RGPD2: variants seen among roughly 807,000 people sequenced by gnomAD.
RGPD2 encodes RANBP2-like and GRIP domain-containing protein 2.
A neutral mutation model predicts 36.0 loss-of-function variants in RGPD2; 2 were observed. The ratio of observed to expected loss-of-function variants is 0.06; its 90% CI spans 0.02 to 0.17. RGPD2 has a LOEUF of 0.17. Ranked by LOEUF, RGPD2 falls within the 10% of genes least tolerant of loss-of-function variation. The probability of loss-of-function intolerance (pLI) is 1.00; values close to 1 mark genes in which losing one functional copy is unlikely to be tolerated. For missense variants in RGPD2, 40 were observed against 464.3 expected, an observed-to-expected ratio of 0.09 and a Z score of 8.40; for synonymous variants, 19 against 163.8, an observed-to-expected ratio of 0.12 and a Z score of 6.75.
upstream of RGPD2, among the ~76,000 whole-genome samples, chr2:87,827,868 ATACT>A (rs1686871011): frequency 1.4e-5 from 1 of 72,032 alleles, no homozygotes; most frequent in Non-Finnish European, 2.6e-5. Context: ...TGCTTGTAAA[ATACT>A]TAGTTATAAT....
At chr2:87,887,027 T>C in the RGPD2 span, among the ~76,000 whole-genome samples, 1 of 151,446 alleles carries the variant, frequency 6.6e-6, no homozygotes, top group African/African-American at 2.4e-5. Context: ...TAAATAAAAT[T>C]CAGGTTTTAA....
the RGPD2 span, among the ~76,000 whole-genome samples, chr2:87,940,857 G>A: frequency 3.3e-5 from 5 of 151,310 alleles, no homozygotes; most frequent in Non-Finnish European, 7.4e-5. Flanking sequence ...AAACTGATAC[G>A]TTTAAACAAA....
At chr2:87,824,601 T>C (rs1404447910) in intron 1 of RGPD2, among the ~76,000 whole-genome samples, 3 of 151,784 alleles carry the variant, frequency 2.0e-5, no homozygotes, top group Non-Finnish European at 4.4e-5. Flanking sequence ...GTTCCAAAGT[T>C]ACTCACTAGT....
chr2:87,883,214 C>T, the RGPD2 span, among the ~76,000 whole-genome samples: 1 of 151,556 alleles, frequency 6.6e-6, no homozygotes, highest in Non-Finnish European at 1.5e-5. Context: ...TTTTTCTCTG[C>T]AATCAAAATT....
the RGPD2 span, among the ~76,000 whole-genome samples, chr2:87,977,594 G>T: frequency 1.3e-5 from 2 of 149,388 alleles, no homozygotes; most frequent in South Asian, 4.2e-4. Context: ...TGGGAGGATG[G>T]CTGGAGCCCA....
At chr2:87,915,274 GTATATATATATATA>G in the RGPD2 span, among the ~76,000 whole-genome samples, 2 of 84,996 alleles carry the variant, frequency 2.4e-5, no homozygotes, top group Admixed American at 2.7e-4. Flanking sequence ...GTGTGTGTGT[GTATATATATATATA>G]TGTATATTAT....
the RGPD2 span, among the ~76,000 whole-genome samples, chr2:87,964,826 TGAGATGGAGTCTTGC>T: frequency 5.2e-3 from 428 of 81,904 alleles, no homozygotes; most frequent in East Asian, 0.017. Context: ...TTTTTCTTTT[TGAGATGGAGTCTTGC>T]TTTGTCTGAA....
the RGPD2 span, among the ~76,000 whole-genome samples, chr2:87,869,779 C>CT: frequency 2.6e-5 from 4 of 152,238 alleles, no homozygotes; most frequent in Non-Finnish European, 5.9e-5. Flanking sequence ...TATATTCCAG[C>CT]TTTTTTAAAA....
the RGPD2 span, among the ~76,000 whole-genome samples, chr2:87,938,173 A>T: frequency 9.9e-5 from 15 of 151,818 alleles, no homozygotes; most frequent in Admixed American, 9.2e-4. Flanking sequence ...GGAGCTAAAG[A>T]TTCTATCATA....
At chr2:87,879,413 T>C in the RGPD2 span, among the ~76,000 whole-genome samples, 3 of 145,488 alleles carry the variant, frequency 2.1e-5, no homozygotes, top group African/African-American at 2.5e-5. Context: ...TTTTTTTTCT[T>C]TTTTTTTTTT....
At chr2:87,921,834 C>T in the RGPD2 span, among the ~76,000 whole-genome samples, 1 of 152,094 alleles carries the variant, frequency 6.6e-6, no homozygotes, top group African/African-American at 2.4e-5. Flanking sequence ...TCAGAAACTG[C>T]CCACAGTCAG....
chr2:87,943,631 C>T, the RGPD2 span, among the ~76,000 whole-genome samples: 1 of 151,938 alleles, frequency 6.6e-6, no homozygotes, highest in East Asian at 1.9e-4. Flanking sequence ...TGTGCAGAAG[C>T]TTTTTAGCTT....
the RGPD2 span, among the ~76,000 whole-genome samples, chr2:87,845,901 T>C: frequency 6.6e-6 from 1 of 151,992 alleles, no homozygotes; most frequent in Non-Finnish European, 1.5e-5. Flanking sequence ...GCATATTTTA[T>C]TGACAGTATT....
At chr2:87,957,236 T>TGGGGGGGG in the RGPD2 span, among the ~76,000 whole-genome samples, 1 of 116,304 alleles carries the variant, frequency 8.6e-6, no homozygotes, top group African/African-American at 3.3e-5. Context: ...ACAAGGTCAC[T>TGGGGGGGG]GGGGGGGGGC....
the RGPD2 span, among the ~76,000 whole-genome samples, chr2:87,943,458 GT>G: frequency 2.6e-5 from 4 of 151,724 alleles, no homozygotes; most frequent in Admixed American, 2.6e-4. Flanking sequence ...GTTTTATTTT[GT>G]TCCATAATGT....
chr2:87,809,997 C>CA (rs1408673521), intron 6 of RGPD2, among the ~76,000 whole-genome samples: 124 of 34,158 alleles, frequency 3.6e-3, no homozygotes, highest in African/African-American at 7.0e-3. Context: ...GACTCTGTCT[C>CA]AAAAAAAAAA....
At chr2:87,988,072 C>T in the RGPD2 span, among the ~76,000 whole-genome samples, 1 of 152,130 alleles carries the variant, frequency 6.6e-6, no homozygotes, top group Admixed American at 6.6e-5. Flanking sequence ...AAAAGTCATT[C>T]TTGTCTACAA....
At chr2:87,913,539 T>TATA in the RGPD2 span, among the ~76,000 whole-genome samples, 1 of 150,330 alleles carries the variant, frequency 6.7e-6, no homozygotes, top group Non-Finnish European at 1.5e-5. Context: ...AACTTAAAAG[T>TATA]ATAATAATAA....
the RGPD2 span, among the ~76,000 whole-genome samples, chr2:87,873,348 G>A: frequency 7.0e-6 from 1 of 143,364 alleles, no homozygotes; most frequent in Non-Finnish European, 1.5e-5. Flanking sequence ...TATTCCCTTG[G>A]GTATATACTG....
Sources: gnomAD v4.1 joint callset for allele counts (sites outside exome capture counted in the v4.1 genomes callset) on GRCh38, gnomAD v4.1.1 for gene constraint, MANE v1.5 for transcripts, NCBI Gene and HGNC (gene_info 2026-07-23, HGNC 2026-07-21) for gene names.